Variants in PRKG1 observed in about 807,000 individuals in gnomAD.
PRKG1 encodes the protein protein kinase cGMP-dependent 1.
In PRKG1, 35 loss-of-function variants were observed where a neutral mutation model predicts 88.1. The observed-to-expected ratio is 0.40, with a 90% CI of 0.30 to 0.53. PRKG1 has a LOEUF of 0.53. Ranked by LOEUF, PRKG1 falls within the 20% of genes least tolerant of loss-of-function variation. The pLI, the probability that PRKG1 is intolerant of heterozygous loss-of-function variation, is 0.59. For missense variants in PRKG1, 540 were observed against 839.8 expected (o/e 0.64, Z 4.41); for synonymous variants, 303 against 292.5 (o/e 1.04, Z -0.37).
chr10:51,389,875 G>A (rs186568702), intron 2 of PRKG1, among the ~76,000 whole-genome samples: 2 of 152,278 alleles, frequency 1.3e-5, no homozygotes, highest in Admixed American at 6.5e-5. Flanking sequence ...TAGATAGGGA[G>A]ATGGAGGGCT....
At chr10:51,244,472 T>TCA (rs200282307) in intron 2 of PRKG1, among the ~76,000 whole-genome samples, 26 of 151,766 alleles carry the variant, frequency 1.7e-4, no homozygotes, top group African/African-American at 3.4e-4. Context: ...TGGTTCTTTC[T>TCA]CACACACACA....
At chr10:51,769,888 TATA>T (rs1164173776) in intron 3 of PRKG1, among the ~76,000 whole-genome samples, 2 of 152,148 alleles carry the variant, frequency 1.3e-5, no homozygotes, top group Non-Finnish European at 2.9e-5. Flanking sequence ...GCAGAAAACT[TATA>T]ATGTTTTAAG....
chr10:51,045,307 ATATT>A (rs113146187), intron 1 of PRKG1, among the ~76,000 whole-genome samples: 12,346 of 150,908 alleles, frequency 0.082, 854 homozygotes, highest in African/African-American at 0.19. Context: ...ATAGAAAAAA[ATATT>A]TATTTATTTA....
intron 2 of PRKG1, among the ~76,000 whole-genome samples, chr10:51,255,274 T>C (rs113472445): frequency 0.02 from 3,119 of 152,162 alleles, 43 homozygotes; most frequent in Middle Eastern, 0.044. Flanking sequence ...AATTTCTAGG[T>C]TTAAGCAATT....
intron 7 of PRKG1, among the ~76,000 whole-genome samples, chr10:52,063,963 A>T (rs1274014508): frequency 6.6e-6 from 1 of 152,160 alleles, no homozygotes; most frequent in Middle Eastern, 3.2e-3. Context: ...ATACATGCTG[A>T]TTGGTTCATG....
intron 2 of PRKG1, among the ~76,000 whole-genome samples, chr10:51,387,517 AG>A (rs1259501076): frequency 9.2e-5 from 14 of 152,094 alleles, no homozygotes; most frequent in African/African-American, 2.9e-4. Flanking sequence ...TTCTCCCAGC[AG>A]GAATAGTTAC....
intron 3 of PRKG1, among the ~76,000 whole-genome samples, chr10:51,643,912 A>G (rs1264358085): frequency 6.6e-6 from 1 of 152,190 alleles, no homozygotes; most frequent in Non-Finnish European, 1.5e-5. Context: ...ACCAGTCATG[A>G]CTAATCCTGC....
chr10:51,566,872 C>CAA (rs925035794), intron 3 of PRKG1, among the ~76,000 whole-genome samples: 5 of 146,682 alleles, frequency 3.4e-5, no homozygotes, highest in African/African-American at 1.3e-4. Flanking sequence ...ATTGGGAAGA[C>CAA]AAAAAAATAC....
intron 3 of PRKG1, among the ~76,000 whole-genome samples, chr10:51,551,366 A>T (rs1026161326): frequency 2.0e-5 from 3 of 151,844 alleles, no homozygotes; most frequent in African/African-American, 7.2e-5. Flanking sequence ...TAAAACTTTT[A>T]TTTGATGATC....
At chr10:52,141,690 A>G (rs1288915772) in intron 8 of PRKG1, among the ~76,000 whole-genome samples, 1 of 152,228 alleles carries the variant, frequency 6.6e-6, no homozygotes, top group African/African-American at 2.4e-5. Context: ...GTCCAGTCTC[A>G]ATTTTTAATA....
At chr10:51,800,107 T>C (rs901916260) in intron 3 of PRKG1, among the ~76,000 whole-genome samples, 1 of 152,108 alleles carries the variant, frequency 6.6e-6, no homozygotes, top group Non-Finnish European at 1.5e-5. Flanking sequence ...GCTGTTTCTA[T>C]TGGTAACAAA....
intron 7 of PRKG1, among the ~76,000 whole-genome samples, chr10:52,089,179 T>A (rs948888166): frequency 9.2e-5 from 14 of 152,176 alleles, no homozygotes; most frequent in African/African-American, 3.4e-4. Flanking sequence ...TGCTGAGCTC[T>A]TAGATTAACT....
At chr10:52,188,277 TAC>T (rs1421611560) in intron 9 of PRKG1, among the ~76,000 whole-genome samples, 1 of 21,708 alleles carries the variant, frequency 4.6e-5, no homozygotes, top group African/African-American at 1.9e-4. Flanking sequence ...TGTATATATA[TAC>T]ATATATATGT....
At chr10:52,266,229 G>A (rs1841566845) in intron 10 of PRKG1, among the ~76,000 whole-genome samples, 1 of 150,240 alleles carries the variant, frequency 6.7e-6, no homozygotes, top group Non-Finnish European at 1.5e-5. Context: ...TTTTTTTTAA[G>A]TTCTGGAGTA....
intron 2 of PRKG1, among the ~76,000 whole-genome samples, chr10:51,390,492 A>C (rs7086716): frequency 0.79 from 119,557 of 152,158 alleles, 47,277 homozygotes; most frequent in Middle Eastern, 0.82. Flanking sequence ...TTTGGAGAAA[A>C]CTTAGTCTTG....
chr10:51,748,883 TTC>T (rs1837646689), intron 3 of PRKG1, among the ~76,000 whole-genome samples: 1 of 152,236 alleles, frequency 6.6e-6, no homozygotes, highest in Admixed American at 6.5e-5. Flanking sequence ...TTTGTGAACA[TTC>T]TCGTAAGTTT....
At chr10:51,421,160 T>TGTTG (rs1838404336) in intron 2 of PRKG1, among the ~76,000 whole-genome samples, 1 of 141,560 alleles carries the variant, frequency 7.1e-6, no homozygotes, top group African/African-American at 2.6e-5. Flanking sequence ...GCCTTTTATT[T>TGTTG]CTTGTTTGTT....
chr10:52,230,001 G>T (rs1235577059), intron 9 of PRKG1, among the ~76,000 whole-genome samples: 1 of 151,852 alleles, frequency 6.6e-6, no homozygotes, highest in Non-Finnish European at 1.5e-5. Context: ...ATACAATATG[G>T]TTCAGAAATT....
chr10:51,868,421 G>A (rs1333600724), intron 4 of PRKG1, among the ~76,000 whole-genome samples: 1 of 152,118 alleles, frequency 6.6e-6, no homozygotes, highest in African/African-American at 2.4e-5. Context: ...AAGCATGGTA[G>A]CATTGTTTGT....
Sources: gnomAD v4.1 joint callset for allele counts (sites outside exome capture counted in the v4.1 genomes callset) on GRCh38, gnomAD v4.1.1 for gene constraint, MANE v1.5 for transcripts, NCBI Gene and HGNC (gene_info 2026-07-23, HGNC 2026-07-21) for gene names.